The following TAFA4 variants were observed in gnomAD, a reference collection of about 807,000 sequenced individuals.
TAFA4 encodes chemokine-like protein TAFA-4.
In TAFA4, 20 loss-of-function variants were observed where a neutral mutation model predicts 21.1. That is an observed-to-expected ratio of 0.95 (90% CI 0.67 to 1.38). The LOEUF is 1.38. Among genes scored for constraint, TAFA4 ranks in the 40% most tolerant of loss-of-function variants. TAFA4 has a pLI of 0.00. For missense variants in TAFA4, 211 were observed against 180.9 expected (o/e 1.17, Z -0.95); for synonymous variants, 71 against 67.4 (o/e 1.05, Z -0.26).
chr3:68,745,932 T>G (rs1257528006), intron 4 of TAFA4, among the ~76,000 whole-genome samples: 1 of 152,194 alleles, frequency 6.6e-6, no homozygotes, highest in African/African-American at 2.4e-5. Flanking sequence ...GTGAGGGTGT[T>G]GCCAAAGGAG....
chr3:68,735,702 C>T (rs1402377843), intron 5 of TAFA4, among the ~76,000 whole-genome samples: 3 of 151,730 alleles, frequency 2.0e-5, no homozygotes, highest in African/African-American at 4.8e-5. Flanking sequence ...TACAAATTTT[C>T]CAATATGAAA....
chr3:68,766,214 C>T (rs1030032584), intron 3 of TAFA4, among the ~76,000 whole-genome samples: 1 of 152,008 alleles, frequency 6.6e-6, no homozygotes, highest in Non-Finnish European at 1.5e-5. Flanking sequence ...ATATGTACTT[C>T]CTCATGAGTT....
At chr3:68,800,520 T>C (rs1372730323) in intron 3 of TAFA4, among the ~76,000 whole-genome samples, 2 of 152,172 alleles carry the variant, frequency 1.3e-5, no homozygotes, top group African/African-American at 4.8e-5. Context: ...GATAGAACCA[T>C]GGAGTGGACG....
intron 3 of TAFA4, among the ~76,000 whole-genome samples, chr3:68,822,458 T>A (rs1006636135): frequency 3.9e-5 from 6 of 152,118 alleles, no homozygotes; most frequent in African/African-American, 1.4e-4. Context: ...AGAGGCAACA[T>A]TGCTAAAATT....
chr3:68,838,210 C>T (rs565813892), intron 3 of TAFA4, among the ~76,000 whole-genome samples: 149 of 152,156 alleles, frequency 9.8e-4, no homozygotes, highest in Non-Finnish European at 1.3e-3. Flanking sequence ...TAAAATAGCT[C>T]TATTGAACTC....
Position 68,932,525 on chromosome 3 carries a change from G to A in TAFA4, c.-408C>T, listed in dbSNP as rs539182502. On this transcript the variant is annotated 5_prime_UTR_variant, in exon 1 of 6. Transcript: ENST00000295569. The stretch of plus-strand genomic sequence containing the variant: ...GCGCGCAGTCGGTGCGCCCCGTCCA[G>A]GGCGGCGCGCAGCTAGCAGTGCGGA... 2 of 152,316 alleles carry A rather than the reference G, an allele frequency of 1.3e-5. No homozygotes were observed. Among genetic ancestry groups the A allele is most frequent in the South Asian group, 2.1e-4 (1 of 4,834 alleles). 9.4% of individuals were successfully genotyped at this position (152,316 alleles called of 1,614,324 possible).
Position 68,732,262 on chromosome 3 carries a change from CTG to C in TAFA4, c.*878_*879del, listed in dbSNP as rs1227702905. 1 of 152,494 alleles carries C rather than the reference CTG, an allele frequency of 6.6e-6. No homozygotes were observed. Among genetic ancestry groups the C allele is most frequent in the African/African-American group, 2.4e-5 (1 of 41,426 alleles). 9.4% of individuals were successfully genotyped at this position (152,494 alleles called of 1,614,324 possible). ...CTAAAAATTCAGCACTGAAAGACTC[CTG>C]TCTCGGAGTTAAAATCTTTTCATAT... is the stretch of plus-strand genomic sequence containing the variant. On this transcript the variant is annotated 3_prime_UTR_variant, in exon 6 of 6. Transcript: ENST00000295569.
intron 1 of TAFA4, among the ~76,000 whole-genome samples, chr3:68,892,097 C>A (rs934828747): frequency 2.0e-5 from 3 of 152,154 alleles, no homozygotes; most frequent in African/African-American, 7.2e-5. Context: ...CACGGCAGAA[C>A]CTCCACTGAG....
chr3:68,739,074 C>T lies in TAFA4; in HGVS notation c.411+1G>A, dbSNP rs1236952586. The T allele has an allele frequency of 1.2e-6, 2 of 1,613,466 alleles. No individual in the cohort carries two copies. Among genetic ancestry groups the T allele is most frequent in the South Asian group, 1.1e-5 (1 of 90,932 alleles). Reference sequence around the variant, plus strand: ...TGTAGTTGCATTTTGTCTATACTTGCCTTCGTAGTTTTGACTTTATTGCCA... The same window carrying T: ...TGTAGTTGCATTTTGTCTATACTTGTCTTCGTAGTTTTGACTTTATTGCCA... On this transcript the variant is annotated splice_donor_variant, in intron 5 of 5. Transcript: ENST00000295569. LOFTEE classifies it high-confidence loss of function.
chr3:68,910,245 T>C (rs1405874931), intron 1 of TAFA4, among the ~76,000 whole-genome samples: 1 of 152,216 alleles, frequency 6.6e-6, no homozygotes, highest in East Asian at 1.9e-4. Context: ...GGGAGGTGAT[T>C]ATACAAATGT....
At chr3:68,835,768 A>T (rs1036360696) in intron 3 of TAFA4, among the ~76,000 whole-genome samples, 2 of 152,226 alleles carry the variant, frequency 1.3e-5, no homozygotes, top group African/African-American at 4.8e-5. Flanking sequence ...GACTCCTCAA[A>T]TGAGTCTTTG....
chr3:68,862,855 TCA>T (rs145463746), intron 3 of TAFA4, among the ~76,000 whole-genome samples: 1,939 of 148,524 alleles, frequency 0.013, 23 homozygotes, highest in Admixed American at 0.027. Flanking sequence ...AAAAGAATTT[TCA>T]CACACACACA....
intron 3 of TAFA4, among the ~76,000 whole-genome samples, chr3:68,770,552 G>C (rs1248502224): frequency 6.6e-6 from 1 of 152,102 alleles, no homozygotes; most frequent in Non-Finnish European, 1.5e-5. Flanking sequence ...TTCAAACTAG[G>C]GTATGTGAAC....
intron 3 of TAFA4, among the ~76,000 whole-genome samples, chr3:68,800,301 G>C (rs1703548881): frequency 1.3e-5 from 2 of 152,090 alleles, no homozygotes; most frequent in Admixed American, 6.6e-5. Flanking sequence ...AACCAGCCCT[G>C]CCAATAATCC....
chr3:68,739,153 C>G lies in TAFA4; in HGVS notation c.333G>C (p.Leu111Phe). The change falls in exon 5 of 6, where the codon TTG (leucine) becomes TTC (phenylalanine). Residue 111 changes from leucine (L) to phenylalanine (F), a missense_variant. Physicochemically the swap from Leu to Phe is conservative, Grantham distance 22 (BLOSUM62 0). Transcript: ENST00000295569. ...GCAGCACTTTACAATCCTCTCCTTC[C>G]AAACACGGATTCATGTGACACCACC... ...QKWWCHMNPCLEGEDCKVLPD... is the reference protein window; with the variant it reads ...QKWWCHMNPCFEGEDCKVLPD... 1 of 1,613,948 alleles carries G rather than the reference C, an allele frequency of 6.2e-7. No homozygotes were observed.
chr3:68,786,141 C>G (rs1422715155), intron 3 of TAFA4, among the ~76,000 whole-genome samples: 2 of 152,082 alleles, frequency 1.3e-5, no homozygotes, highest in African/African-American at 2.4e-5. Flanking sequence ...AGAGCATTCT[C>G]TACTTTGTGT....
intron 3 of TAFA4, among the ~76,000 whole-genome samples, chr3:68,858,243 G>T (rs1275953163): frequency 6.6e-6 from 1 of 152,112 alleles, no homozygotes; most frequent in Non-Finnish European, 1.5e-5. Context: ...TCGTGGAAAT[G>T]CACGGCATCC....
intron 4 of TAFA4, among the ~76,000 whole-genome samples, chr3:68,739,468 A>G (rs987140240): frequency 2.6e-5 from 4 of 152,372 alleles, no homozygotes; most frequent in East Asian, 3.9e-4. Context: ...TACAACCTCT[A>G]TGGAAAACAG....
intron 3 of TAFA4, among the ~76,000 whole-genome samples, chr3:68,802,969 G>A (rs1703607745): frequency 6.6e-6 from 1 of 152,182 alleles, no homozygotes; most frequent in South Asian, 2.1e-4. Context: ...CAGGGATGCT[G>A]AGCTGTACAA....
Sources: gnomAD v4.1 joint callset for allele counts (sites outside exome capture counted in the v4.1 genomes callset) on GRCh38, gnomAD v4.1.1 for gene constraint, MANE v1.5 for transcripts, NCBI Gene and HGNC (gene_info 2026-07-23, HGNC 2026-07-21) for gene names.